The following NFATC2 variants were observed in gnomAD, a reference collection of about 807,000 sequenced individuals.
The protein encoded by NFATC2 is nuclear factor of activated T cells 2.
A neutral mutation model predicts 87.3 loss-of-function variants in NFATC2; 22 were observed. The ratio of observed to expected loss-of-function variants is 0.25; its 90% CI spans 0.18 to 0.36. The LOEUF is 0.36. Among genes scored for constraint, NFATC2 ranks in the 10% least tolerant of loss-of-function variants. NFATC2 has a pLI of 1.00. For missense variants in NFATC2, 1,149 were observed against 1,259.1 expected, an observed-to-expected ratio of 0.91 and a Z score of 1.32; for synonymous variants, 565 against 542.2, an observed-to-expected ratio of 1.04 and a Z score of -0.58.
chr20:51,561,491 GC>G (rs1568765983), intron 1 of NFATC2, among the ~76,000 whole-genome samples: 12 of 95,090 alleles, frequency 1.3e-4, no homozygotes, highest in Admixed American at 3.6e-4. Context: ...AAGAAAGCAA[GC>G]AAGCAAGCAA....
Position 51,540,455 on chromosome 20 carries a change from A to C in NFATC2, c.130+1915T>G, listed in dbSNP as rs536632189. On this transcript the variant is annotated intron_variant, in intron 1 of 10. Coordinates refer to ENST00000371564, the MANE Select transcript of NFATC2 (RefSeq NM_012340.5). ...TCCTCAAAACAGTGAAGGTCACATA[A>C]AACATTCCCAATCTGAATAAGGCAT... Among the ~76,000 whole-genome samples the C allele has an allele frequency of 1.4e-3, 208 of 152,310 alleles. 2 individuals carry two copies. Among genetic ancestry groups the C allele is most frequent in the African/African-American group, 4.9e-3 (202 of 41,562 alleles).
rs1223246602 is a variant in NFATC2, at chr20:51,542,483, C to G, written c.17G>C (p.Arg6Pro). The change falls in exon 1 of 11, where the codon CGG becomes CCG. Residue 6 changes from arginine (R) to proline (P), a missense_variant. This residue lies in a region of NFATC2 where 563 missense variants were observed against 585.2 expected (regional missense o/e 0.96). Transcript: ENST00000371564. Reference protein sequence around the residue: MNAPERQPQPDGGDAP... With the variant: MNAPEPQPQPDGGDAP... The stretch of plus-strand genomic sequence containing the variant: ...GTCCCCGCCGTCGGGTTGGGGCTGC[C>G]GCTCGGGGGCGTTCATGGCGCGCAG... The G allele has an allele frequency of 5.2e-6, 8 of 1,527,398 alleles. No homozygotes were observed. The African/African-American group carries it at 8.8e-5, about 17-fold the overall frequency. The allele number at this position is 1,527,398 out of a possible 1,614,324, so 94.6% of individuals were successfully genotyped here.
At chr20:51,556,755 C>A (rs904647591) in intron 1 of NFATC2, among the ~76,000 whole-genome samples, 1 of 152,174 alleles carries the variant, frequency 6.6e-6, no homozygotes, top group African/African-American at 2.4e-5. Flanking sequence ...AGCATGGAAG[C>A]AGCAATTTTG....
In NFATC2 at chr20:51,388,869, AC is replaced by A. The variant is rs1986040306; in HGVS notation, c.*2626del. The A allele has an allele frequency of 6.6e-6, 1 of 151,932 alleles. No homozygotes were observed. The highest frequency in any genetic ancestry group is 1.5e-5 in the Non-Finnish European group (1 of 67,998). The allele number at this position is 151,932 out of a possible 1,614,324, so 9.4% of individuals were successfully genotyped here. On this transcript the variant is annotated 3_prime_UTR_variant, in exon 11 of 11. Transcript: ENST00000371564. Reference sequence around the variant, plus strand: ...ACACACCCATCTTTACCATTTAGACACCCCTACTTTCTCATTCTCTTAGAGG... The same window carrying A: ...ACACACCCATCTTTACCATTTAGACACCCTACTTTCTCATTCTCTTAGAGG...
chr20:51,394,182 G>C (rs986368313), intron 10 of NFATC2, among the ~76,000 whole-genome samples: 3 of 152,084 alleles, frequency 2.0e-5, no homozygotes, highest in Non-Finnish European at 4.4e-5. Flanking sequence ...CTGCCAACAA[G>C]GAGAAAGTTC....
intron 9 of NFATC2, among the ~76,000 whole-genome samples, chr20:51,402,726 G>A (rs898492811): frequency 5.3e-5 from 8 of 152,190 alleles, no homozygotes; most frequent in East Asian, 3.9e-4. Flanking sequence ...ATTGTAAGCA[G>A]GTCAGACACT....
At position 51,432,426 on chromosome 20, in the gene NFATC2, G is replaced by T. The variant is rs202224963; in HGVS notation, c.2363C>A (p.Ala788Asp). 2 of 1,588,876 alleles carry T rather than the reference G, an allele frequency of 1.3e-6. No individual in the cohort carries two copies. Among genetic ancestry groups the T allele is most frequent in the African/African-American group, 1.3e-5 (1 of 74,698 alleles). ...GGCTGAGCTCTGGCCCTGGGAGCCG[G>T]CGTGCACCAGCACAGAGCGGTGAGC... ...ADAHRSVLVH[A>D]GSQGQSSALL... Residue 788 changes from alanine to aspartate, a missense_variant, in exon 9 of 11, where the codon GCC (alanine) becomes GAC (aspartate). Around this residue, in one of 3 missense-constraint regions of NFATC2, gnomAD observed 581 missense variants for 649.7 expected, o/e 0.89. Transcript: ENST00000371564. This position sits in a 1 kb window ranked among gnomAD's most constrained non-coding sequence, Gnocchi z 4.6.
intron 3 of NFATC2, among the ~76,000 whole-genome samples, chr20:51,514,973 G>A (rs2076328866): frequency 6.6e-6 from 1 of 152,220 alleles, no homozygotes; most frequent in Admixed American, 6.5e-5. Context: ...GCACAGGTGA[G>A]CCCACCTTCA....
rs546540316 is a variant in NFATC2 at position 51,391,005 on chromosome 20, G to A, written c.*491C>T. ...GTATCTGTGACCTGGAAAAACGAACGCAAGGGCTGGGGTTTAATCACAGTG... is the reference window on the plus strand; with the variant it reads ...GTATCTGTGACCTGGAAAAACGAACACAAGGGCTGGGGTTTAATCACAGTG... On this transcript the variant is annotated 3_prime_UTR_variant, in exon 11 of 11. Coordinates refer to ENST00000371564, the MANE Select transcript of NFATC2 (RefSeq NM_012340.5). 360 of 340,982 alleles carry A rather than the reference G, an allele frequency of 1.1e-3. 2 individuals carry two copies. The highest frequency in any genetic ancestry group is 5.0e-3 in the South Asian group (200 of 40,382). 21.1% of individuals were successfully genotyped at this position (340,982 alleles called of 1,614,324 possible).
Position 51,474,038 on chromosome 20 carries a change from G to C in NFATC2, c.1650C>G (p.Ile550Met), listed in dbSNP as rs767569128. ...AGACGATTCTGCCACTGGACTCTGGGATGTGAACTCGGAAAACCAGTCTCA... is the reference window on the plus strand; with the variant it reads ...AGACGATTCTGCCACTGGACTCTGGCATGTGAACTCGGAAAACCAGTCTCA... Reference protein sequence around the residue: ...TRVRLVFRVHIPESSGRIVSL... With the variant: ...TRVRLVFRVHMPESSGRIVSL... Residue 550 changes from isoleucine to methionine, a missense_variant, in exon 5 of 11, where the codon ATC becomes ATG. This residue lies in a region of NFATC2 where 581 missense variants were observed against 649.7 expected (regional missense o/e 0.89). Coordinates refer to ENST00000371564, the MANE Select transcript of NFATC2 (RefSeq NM_012340.5). The C allele has an allele frequency of 1.9e-6, 3 of 1,614,224 alleles. No individual in the cohort carries two copies. The East Asian group carries it at 6.7e-5, about 36-fold the overall frequency.
chr20:51,539,382 G>GTCCCACCATAC (rs1480811418), intron 1 of NFATC2, among the ~76,000 whole-genome samples: 1 of 152,204 alleles, frequency 6.6e-6, no homozygotes, highest in Non-Finnish European at 1.5e-5. Context: ...CAGAAGCAAA[G>GTCCCACCATAC]AGAGGTGACT....
intron 9 of NFATC2, among the ~76,000 whole-genome samples, chr20:51,421,821 G>A (rs771235207): frequency 2.2e-4 from 34 of 152,158 alleles, no homozygotes; most frequent in Admixed American, 5.2e-4. Context: ...GCAGCCCATG[G>A]AGCACCAGTT....
At position 51,475,488 on chromosome 20, in the gene NFATC2, G is replaced by A. The variant is rs1174454437; in HGVS notation, c.1505C>T (p.Pro502Leu). ...CCTCATGTTGTTTTTGGGCTCCAAG[G>A]GTATCTCCAGGACTTTGGTGTTGCC... ...IVGNTKVLEI[P>L]LEPKNNMRAT... The change falls in exon 4 of 11, where the codon CCC becomes CTC. Residue 502 changes from proline (P) to leucine (L), a missense_variant. By Grantham distance (98) the Pro-to-Leu change is moderately conservative. Coordinates refer to ENST00000371564, the MANE Select transcript of NFATC2 (RefSeq NM_012340.5). 10 of 1,613,790 alleles carry A rather than the reference G, an allele frequency of 6.2e-6. No individual in the cohort carries two copies. The highest frequency in any genetic ancestry group is 2.2e-5 in the South Asian group (2 of 91,056).
At position 51,483,763 on chromosome 20, in the gene NFATC2, A is replaced by T. The variant is rs762411443; in HGVS notation, c.1333-8103T>A. 3.3e-5 allele frequency among the ~76,000 whole-genome samples: 5 copies of T among 151,848 alleles called. No homozygotes were observed. The South Asian group carries it at 1.0e-3, about 32-fold the overall frequency. ...TGGTAACTCTCTCTGCCTCCATCCC[A>T]TATTAGATCCATCTCAAAGCCCTGT... On this transcript the variant is annotated intron_variant, in intron 3 of 10. Coordinates refer to ENST00000371564, the MANE Select transcript of NFATC2 (RefSeq NM_012340.5).
chr20:51,442,055 T>G (rs1984416101), intron 6 of NFATC2, among the ~76,000 whole-genome samples: 1 of 152,216 alleles, frequency 6.6e-6, no homozygotes, highest in African/African-American at 2.4e-5. Context: ...CTGTAATTAG[T>G]ATGGAAAATC....
chr20:51,492,414 T>C (rs929362298), intron 3 of NFATC2, among the ~76,000 whole-genome samples: 3 of 152,194 alleles, frequency 2.0e-5, no homozygotes, highest in African/African-American at 2.4e-5. Context: ...CCCAGAGAAG[T>C]GGGCGCCTGC....
At chr20:51,489,060 G>C (rs1205405403) in intron 3 of NFATC2, among the ~76,000 whole-genome samples, 1 of 152,162 alleles carries the variant, frequency 6.6e-6, no homozygotes, top group African/African-American at 2.4e-5. Flanking sequence ...CAGGGTGGCG[G>C]GCGCCTGCAA....
chr20:51,486,808 C>T lies in NFATC2; in HGVS notation c.1333-11148G>A, dbSNP rs569345891. Among the ~76,000 whole-genome samples, 142 of 152,240 alleles carry T rather than the reference C, an allele frequency of 9.3e-4. 3 individuals are homozygous for T. In the South Asian group the frequency reaches 0.011, roughly 12 times the overall value. Reference sequence around the variant, plus strand: ...ATTCATGTCTGGAACAGAATCCCTACGTTTGGAGTCTGCCTAAGCTCACTA... The same window carrying T: ...ATTCATGTCTGGAACAGAATCCCTATGTTTGGAGTCTGCCTAAGCTCACTA... On this transcript the variant is annotated intron_variant, in intron 3 of 10. Transcript: ENST00000371564.
At chr20:51,558,679 A>T (rs1435705156) in intron 1 of NFATC2, among the ~76,000 whole-genome samples, 1 of 152,188 alleles carries the variant, frequency 6.6e-6, no homozygotes, top group African/African-American at 2.4e-5. Flanking sequence ...ATAATTCAGC[A>T]AATAAATAGT....
Sources: allele counts gnomAD v4.1 joint callset (sites outside exome capture counted in the v4.1 genomes callset), GRCh38; gene constraint gnomAD v4.1.1; regional missense constraint gnomAD v4.1.1; non-coding constraint Gnocchi (gnomAD v3.1); transcripts MANE v1.5; gene names NCBI Gene and HGNC (gene_info 2026-07-23, HGNC 2026-07-21).